COG7: variants seen among roughly 807,000 people sequenced by gnomAD.
COG7 encodes the protein conserved oligomeric Golgi complex subunit 7.
Under a neutral mutation model 91.5 loss-of-function variants are expected in COG7, and 49 were observed. The observed-to-expected ratio is 0.54, with a 90% CI of 0.43 to 0.68. The LOEUF (loss-of-function observed/expected upper bound fraction) is 0.68. Ranked by LOEUF, COG7 falls within the 30% of genes least tolerant of loss-of-function variation. COG7 has a pLI of 0.00. For missense variants in COG7, 895 were observed against 961.3 expected (o/e 0.93, Z 0.91); for synonymous variants, 365 against 388.7 (o/e 0.94, Z 0.72).
At chr16:23,423,321 C>G (rs1045497577) in intron 7 of COG7, among the ~76,000 whole-genome samples, 6 of 152,130 alleles carry the variant, frequency 3.9e-5, no homozygotes, top group Admixed American at 3.3e-4. Flanking sequence ...GAGCCAAGAT[C>G]ACACCGCTGC....
In COG7 at chr16:23,422,778, T is replaced by C. The variant is rs113311685; in HGVS notation, c.1009+1971A>G. Among the ~76,000 whole-genome samples, 127 of 152,064 alleles carry C rather than the reference T, an allele frequency of 8.4e-4. 1 individual carries two copies. The highest frequency in any genetic ancestry group is 2.9e-3 in the African/African-American group (121 of 41,516). ...GTAATCTAGGTCAGGTGTGGTGGCTTACACCTGTAATCTCAGTACTTTGGG... is the reference window on the plus strand; with the variant it reads ...GTAATCTAGGTCAGGTGTGGTGGCTCACACCTGTAATCTCAGTACTTTGGG... On this transcript the variant is annotated intron_variant, in intron 7 of 16. Coordinates refer to ENST00000307149, the MANE Select transcript of COG7 (RefSeq NM_153603.4).
chr16:23,424,803 C>T lies in COG7; in HGVS notation c.955G>A (p.Asp319Asn), dbSNP rs767025710. ...CCCTTGGCGAAGTGGGCGGTGGCGT[C>T]GTAGAACTCCAGCAGCCTGGTGAGC... Reference protein sequence around the residue: ...QELTRLLEFYDATAHFAKGLE... With the variant: ...QELTRLLEFYNATAHFAKGLE... Residue 319 changes from aspartate (D) to asparagine (N), a missense_variant, in exon 7 of 17, where the codon GAC becomes AAC. Physicochemically the swap from Asp to Asn is conservative, Grantham distance 23. Transcript: ENST00000307149. 4.6e-5 allele frequency: 74 copies of T among 1,614,114 alleles called. No individual in the cohort carries two copies. Among genetic ancestry groups the T allele is most frequent in the Middle Eastern group, 1.6e-4 (1 of 6,084 alleles).
At chr16:23,403,388 G>C (rs1963408608) in intron 13 of COG7, among the ~76,000 whole-genome samples, 1 of 152,204 alleles carries the variant, frequency 6.6e-6, no homozygotes, top group Non-Finnish European at 1.5e-5. Context: ...TTCTGACCTG[G>C]CCTAACCTAC....
chr16:23,404,688 G>A (rs1459883258), intron 12 of COG7, among the ~76,000 whole-genome samples: 3 of 152,210 alleles, frequency 2.0e-5, no homozygotes, highest in Non-Finnish European at 4.4e-5. Flanking sequence ...GGGAGGCTGA[G>A]ACAGGCAGAT....
At chr16:23,430,314 A>C (rs1963914084) in intron 6 of COG7, among the ~76,000 whole-genome samples, 1 of 152,002 alleles carries the variant, frequency 6.6e-6, no homozygotes, top group African/African-American at 2.4e-5. Context: ...CTGTAGTCCC[A>C]GTACTCAGGA....
rs1408980122 is a variant in COG7 at position 23,445,805 on chromosome 16, CA to C, written c.318+7del. The stretch of plus-strand genomic sequence containing the variant: ...ATTTACAACAGGAGCCAAAAGGAGC[CA>C]AAATACCTGCATGGATTGAGATGTG... On this transcript the variant is annotated splice_region_variant and intron_variant, in intron 2 of 16. Transcript: ENST00000307149. The C allele has an allele frequency of 1.2e-6, 2 of 1,613,604 alleles. No homozygotes were observed. Among genetic ancestry groups the C allele is most frequent in the Non-Finnish European group, 1.7e-6 (2 of 1,179,806 alleles).
At chr16:23,428,172 A>AT (rs954407971) in intron 6 of COG7, among the ~76,000 whole-genome samples, 2 of 151,378 alleles carry the variant, frequency 1.3e-5, no homozygotes, top group African/African-American at 4.9e-5. Context: ...GTGAAACCCC[A>AT]TATCTACTAA....
rs1964055125 is a variant in COG7 at position 23,438,957 on chromosome 16, AGACCAG to A, written c.604+3514_604+3519del. On this transcript the variant is annotated intron_variant, in intron 4 of 16. Coordinates refer to ENST00000307149, the MANE Select transcript of COG7 (RefSeq NM_153603.4). ...CGGATCACTTGAGGCCAGGAGTTCG[AGACCAG>A]CCTGGCCAACATGGTGAAACCCCAT... 2.0e-5 allele frequency among the ~76,000 whole-genome samples: 3 copies of A among 152,034 alleles called. No individual in the cohort carries two copies. In the South Asian group the frequency reaches 6.2e-4, roughly 32 times the overall value.
At chr16:23,411,917 G>A (rs1341836188) in intron 10 of COG7, among the ~76,000 whole-genome samples, 1 of 144,572 alleles carries the variant, frequency 6.9e-6, no homozygotes, top group Non-Finnish European at 1.5e-5. Flanking sequence ...GTCTTGCTCT[G>A]TCACCCAGGC....
At position 23,433,667 on chromosome 16, in the gene COG7, C is replaced by A. The variant is rs781062207; in HGVS notation, c.688G>T (p.Val230Leu). ...TCTTGCCAGGCTGCTAAAAGCTGCA[C>A]CTGCAGAGACAGAACAAAGGGAACC... The part of the protein sequence containing the change: ...LLAYYYKCHK[V>L]QLLAAWQELC... Residue 230 changes from valine to leucine, a missense_variant and splice_region_variant, in exon 6 of 17, where the codon GTG becomes TTG. By Grantham distance (32) the Val-to-Leu change is conservative (BLOSUM62 1). Transcript: ENST00000307149. 2 of 1,613,884 alleles carry A rather than the reference C, an allele frequency of 1.2e-6. No homozygotes were observed. The highest frequency in any genetic ancestry group is 1.3e-5 in the African/African-American group (1 of 74,888).
chr16:23,424,678 A>T (rs1596938242), intron 7 of COG7, 71 bp downstream of exon 7: 1 of 1,529,044 alleles, frequency 6.5e-7, no homozygotes, highest in South Asian at 1.1e-5. Context: ...AGGCAAACAA[A>T]TCCAGGCCCC....
At chr16:23,397,939 A>C in intron 14 of COG7, 107 bp downstream of exon 14, 1 of 946,296 alleles carries the variant, frequency 1.1e-6, no homozygotes, top group Non-Finnish European at 1.7e-6. Context: ...GCTACCCAAA[A>C]GGGTCAGATA....
chr16:23,451,341 G>T (rs534570984), intron 1 of COG7, among the ~76,000 whole-genome samples: 9 of 151,312 alleles, frequency 5.9e-5, no homozygotes, highest in African/African-American at 2.2e-4. Context: ...ATCAACACAC[G>T]GTGAATAAAA....
At chr16:23,449,193 C>A (rs764096614) in intron 1 of COG7, among the ~76,000 whole-genome samples, 1 of 151,724 alleles carries the variant, frequency 6.6e-6, no homozygotes, top group Non-Finnish European at 1.5e-5. Flanking sequence ...GAAACCCCGT[C>A]TCTACTAAAA....
intron 1 of COG7, among the ~76,000 whole-genome samples, chr16:23,450,211 C>G (rs1964244752): frequency 6.6e-6 from 1 of 152,134 alleles, no homozygotes; most frequent in African/African-American, 2.4e-5. Flanking sequence ...GCTGAGATTA[C>G]AGGCATGAGC....
intron 14 of COG7, among the ~76,000 whole-genome samples, chr16:23,393,907 G>C (rs1003635266): frequency 1.2e-4 from 19 of 152,204 alleles, no homozygotes; most frequent in African/African-American, 4.6e-4. Flanking sequence ...CGGGGATGGT[G>C]GCAGGCACCT....
At chr16:23,396,551 C>T (rs904174294) in intron 14 of COG7, among the ~76,000 whole-genome samples, 5 of 150,788 alleles carry the variant, frequency 3.3e-5, no homozygotes, top group Admixed American at 2.0e-4. Context: ...TGGTGGTGGG[C>T]GCCTGTAATC....
intron 6 of COG7, among the ~76,000 whole-genome samples, chr16:23,429,473 T>G (rs1417798939): frequency 6.6e-6 from 1 of 151,906 alleles, no homozygotes; most frequent in Admixed American, 6.6e-5. Flanking sequence ...CAATAAGAAG[T>G]GTCAACAGGC....
At chr16:23,391,886 C>A in intron 16 of COG7, 1 of 558,846 alleles carries the variant, frequency 1.8e-6, no homozygotes, top group Non-Finnish European at 2.4e-6. Flanking sequence ...CAAAGTGACC[C>A]TGGCCACATG....
Sources: gnomAD v4.1 joint callset for allele counts (sites outside exome capture counted in the v4.1 genomes callset) on GRCh38, gnomAD v4.1.1 for gene constraint, MANE v1.5 for transcripts, NCBI Gene and HGNC (gene_info 2026-07-23, HGNC 2026-07-21) for gene names.